The following CCDC15 variants were observed in gnomAD, a reference collection of about 807,000 sequenced individuals.
CCDC15 encodes coiled-coil domain containing 15.
Under a neutral mutation model 114.5 loss-of-function variants are expected in CCDC15, and 105 were observed. That is an observed-to-expected ratio of 0.92 (90% CI 0.78 to 1.08). The LOEUF (loss-of-function observed/expected upper bound fraction) is 1.08, where lower values mean the gene tolerates loss of function less well. Ranked by LOEUF, CCDC15 falls within the 50% of genes least tolerant of loss-of-function variation. The pLI is 0.00. For synonymous variants in CCDC15, 334 were observed against 377.8 expected, an observed-to-expected ratio of 0.88 and a Z score of 1.34; for missense variants, 1,105 against 1,093.6, an observed-to-expected ratio of 1.01 and a Z score of -0.15.
chr11:124,974,129 C>T (rs1947931792), intron 4 of CCDC15, among the ~76,000 whole-genome samples: 1 of 152,052 alleles, frequency 6.6e-6, no homozygotes, highest in South Asian at 2.1e-4. Flanking sequence ...TGTGCACCAC[C>T]ATGCCCGGCT....
chr11:124,967,438 G>A (rs930240312), intron 4 of CCDC15, among the ~76,000 whole-genome samples: 3 of 152,132 alleles, frequency 2.0e-5, no homozygotes, highest in Non-Finnish European at 2.9e-5. Flanking sequence ...ACTGAAGCTT[G>A]TGCATTCGTC....
At chr11:124,965,225 C>T (rs977529264) in intron 4 of CCDC15, among the ~76,000 whole-genome samples, 5 of 152,116 alleles carry the variant, frequency 3.3e-5, no homozygotes, top group African/African-American at 1.2e-4. Flanking sequence ...GGTACCAGCT[C>T]CTCTTTGTAC....
intron 13 of CCDC15, among the ~76,000 whole-genome samples, chr11:125,014,563 T>C (rs894867323): frequency 2.6e-5 from 4 of 152,150 alleles, no homozygotes; most frequent in Non-Finnish European, 4.4e-5. Flanking sequence ...AAATGGAATC[T>C]ATAAAATAGA....
chr11:125,028,296 AG>A (rs1183048889), intron 13 of CCDC15, among the ~76,000 whole-genome samples: 1 of 152,192 alleles, frequency 6.6e-6, no homozygotes, highest in African/African-American at 2.4e-5. Flanking sequence ...ATTTCTGTGA[AG>A]AATGATGGTG....
intron 4 of CCDC15, among the ~76,000 whole-genome samples, chr11:124,965,556 C>T (rs113950537): frequency 0.2 from 30,839 of 151,850 alleles, 3,716 homozygotes; most frequent in African/African-American, 0.33. Context: ...ATCTTGCTAG[C>T]GGTCTATCAA....
intron 6 of CCDC15, 23 bp from the exon 7 acceptor site, chr11:124,986,719 G>GT: frequency 1.3e-6 from 2 of 1,532,860 alleles, no homozygotes; most frequent in Non-Finnish European, 1.8e-6. Context: ...GCGCGTGCGC[G>GT]TTTTCATTGT....
chr11:124,966,212 C>T (rs1247934295), intron 4 of CCDC15, among the ~76,000 whole-genome samples: 2 of 152,132 alleles, frequency 1.3e-5, no homozygotes, highest in African/African-American at 2.4e-5. Flanking sequence ...CCTTCTCTCT[C>T]GTTGATCTGT....
chr11:124,981,811 G>A (rs907385311), intron 6 of CCDC15, among the ~76,000 whole-genome samples: 1 of 152,144 alleles, frequency 6.6e-6, no homozygotes, highest in African/African-American at 2.4e-5. Flanking sequence ...GGTAGAGATG[G>A]GGTTTCTTCA....
intron 9 of CCDC15, 37 bp downstream of exon 9, chr11:124,991,620 T>C: frequency 6.6e-7 from 1 of 1,505,418 alleles, no homozygotes; most frequent in Non-Finnish European, 9.0e-7. Flanking sequence ...AGGAAGGAAG[T>C]ACCCAGGTTT....
At chr11:125,022,943 C>T (rs1053309179) in intron 13 of CCDC15, among the ~76,000 whole-genome samples, 2 of 151,846 alleles carry the variant, frequency 1.3e-5, no homozygotes, top group Admixed American at 6.6e-5. Flanking sequence ...TTCCTTTCTA[C>T]ATGTTAGTAG....
intron 2 of CCDC15, among the ~76,000 whole-genome samples, chr11:124,957,336 T>C (rs775583841): frequency 2.0e-5 from 3 of 152,210 alleles, no homozygotes; most frequent in Non-Finnish European, 4.4e-5. Flanking sequence ...GGCTTTCTTA[T>C]TCACATATCT....
intron 13 of CCDC15, among the ~76,000 whole-genome samples, chr11:125,027,592 T>G (rs1367886578): frequency 2.9e-5 from 4 of 138,346 alleles, no homozygotes; most frequent in African/African-American, 1.2e-4. Context: ...GATTATTTGT[T>G]TTTTTTTTCA....
At chr11:124,981,881 A>G (rs1948078109) in intron 6 of CCDC15, among the ~76,000 whole-genome samples, 1 of 152,128 alleles carries the variant, frequency 6.6e-6, no homozygotes, top group South Asian at 2.1e-4. Flanking sequence ...TCAGCTTCCC[A>G]CGGTGCTGGG....
intron 14 of CCDC15, 124 bp from the exon 15 acceptor site, chr11:125,038,797 G>A: frequency 7.7e-7 from 1 of 1,290,632 alleles, no homozygotes; most frequent in Non-Finnish European, 1.1e-6. Context: ...CCAGTACAAA[G>A]AGGAAATGTC....
At chr11:125,016,782 C>G (rs1948631876) in intron 13 of CCDC15, among the ~76,000 whole-genome samples, 2 of 152,190 alleles carry the variant, frequency 1.3e-5, no homozygotes, top group Admixed American at 1.3e-4. Context: ...CATGACATGC[C>G]TACCACATGG....
chr11:125,016,527 A>G (rs1391926237), intron 13 of CCDC15, among the ~76,000 whole-genome samples: 3 of 152,172 alleles, frequency 2.0e-5, no homozygotes, highest in Non-Finnish European at 2.9e-5. Flanking sequence ...GCATCTAAGC[A>G]TGTTGACACT....
chr11:125,031,557 T>C (rs1349338771), intron 13 of CCDC15, among the ~76,000 whole-genome samples: 1 of 152,162 alleles, frequency 6.6e-6, no homozygotes, highest in Non-Finnish European at 1.5e-5. Context: ...TTGATGACCC[T>C]TCAGTTTTCA....
chr11:125,022,146 A>T (rs1184487378), intron 13 of CCDC15, among the ~76,000 whole-genome samples: 1 of 151,866 alleles, frequency 6.6e-6, no homozygotes, highest in East Asian at 1.9e-4. Flanking sequence ...TTCACACATG[A>T]TCTTTTAAGA....
intron 13 of CCDC15, among the ~76,000 whole-genome samples, chr11:125,035,105 G>A (rs981907215): frequency 6.6e-6 from 1 of 152,094 alleles, no homozygotes; most frequent in African/African-American, 2.4e-5. Flanking sequence ...TGTAGGCTGG[G>A]AGGCTAAGCC....
Sources: allele counts gnomAD v4.1 joint callset (sites outside exome capture counted in the v4.1 genomes callset), GRCh38; gene constraint gnomAD v4.1.1; transcripts MANE v1.5; gene names NCBI Gene and HGNC (gene_info 2026-07-23, HGNC 2026-07-21).